Variants in PAK5 observed in about 807,000 individuals in gnomAD.
PAK5 encodes serine/threonine-protein kinase PAK 5.
PAK5 carries 16 observed loss-of-function variants against 65.9 expected under a neutral mutation model. That is an observed-to-expected ratio of 0.24 (90% confidence interval 0.16 to 0.37). PAK5 has a LOEUF of 0.37. PAK5 is among the 10% of genes least tolerant of loss of function. The pLI, the probability that PAK5 is intolerant of heterozygous loss-of-function variation, is 1.00. For missense variants in PAK5, 785 were observed against 903.9 expected (o/e 0.87, Z 1.69); for synonymous variants, 371 against 354.9 (o/e 1.05, Z -0.51).
At chr20:9,790,352 T>A (rs2049037400) in intron 1 of PAK5, among the ~76,000 whole-genome samples, 1 of 151,898 alleles carries the variant, frequency 6.6e-6, no homozygotes, top group East Asian at 1.9e-4. Flanking sequence ...CCAGAAAAGT[T>A]AAATTTTGAG....
intron 1 of PAK5, among the ~76,000 whole-genome samples, chr20:9,738,818 TTGTG>T (rs35705495): frequency 7.3e-4 from 109 of 149,586 alleles, no homozygotes; most frequent in Middle Eastern, 3.5e-3. Flanking sequence ...TATGGGCAGT[TTGTG>T]TGTGTGTGTG....
At chr20:9,593,075 G>A (rs1302946252) in intron 3 of PAK5, among the ~76,000 whole-genome samples, 2 of 152,082 alleles carry the variant, frequency 1.3e-5, no homozygotes, top group Non-Finnish European at 2.9e-5. Flanking sequence ...TGAGGTAGGA[G>A]GACTGCTTGA....
At chr20:9,571,500 G>C (rs1440299079) in intron 4 of PAK5, among the ~76,000 whole-genome samples, 1 of 152,186 alleles carries the variant, frequency 6.6e-6, no homozygotes, top group Admixed American at 6.5e-5. Context: ...CTTCTGCCGG[G>C]GTCAGTCCTT....
rs572089645 is a variant in PAK5 at position 9,710,702 on chromosome 20, T to C, written c.-12+584A>G. Among the ~76,000 whole-genome samples, 9 of 152,254 alleles carry C rather than the reference T, an allele frequency of 5.9e-5. No individual in the cohort carries two copies. The South Asian group carries it at 1.9e-3, about 32-fold the overall frequency. ...ATGGCCTTTAAAAAATATAAATTCT[T>C]TCATTCACCTGCTAATGACTTTCCA... On this transcript the variant is annotated intron_variant, in intron 2 of 9. Coordinates refer to ENST00000353224, the MANE Select transcript of PAK5 (RefSeq NM_177990.4).
intron 1 of PAK5, among the ~76,000 whole-genome samples, chr20:9,825,413 A>G (rs757018302): frequency 6.6e-6 from 1 of 152,308 alleles, no homozygotes; most frequent in East Asian, 1.9e-4. Context: ...TACAGAATGC[A>G]TATCATTTAT....
chr20:9,704,044 A>G (rs889467517), intron 2 of PAK5, among the ~76,000 whole-genome samples: 1 of 152,158 alleles, frequency 6.6e-6, no homozygotes, highest in Non-Finnish European at 1.5e-5. Context: ...GTTTAAGGGA[A>G]CTTAGAAGTT....
chr20:9,564,070 G>A (rs1040142733), intron 5 of PAK5, among the ~76,000 whole-genome samples: 4 of 152,286 alleles, frequency 2.6e-5, no homozygotes, highest in African/African-American at 9.6e-5. Flanking sequence ...GATGTGGATT[G>A]TACATGCTTT....
chr20:9,651,454 G>C (rs997907216), intron 2 of PAK5, among the ~76,000 whole-genome samples: 1 of 152,160 alleles, frequency 6.6e-6, no homozygotes, highest in Non-Finnish European at 1.5e-5. Context: ...AAATTGAGAA[G>C]GTTCCAGCAT....
chr20:9,830,011 C>T (rs973717304), intron 1 of PAK5, among the ~76,000 whole-genome samples: 1 of 152,122 alleles, frequency 6.6e-6, no homozygotes, highest in South Asian at 2.1e-4. Context: ...CCCACTGGGC[C>T]CAGGAGCCCC....
At chr20:9,721,653 CAAAAAAAAAA>C (rs144378083) in intron 1 of PAK5, among the ~76,000 whole-genome samples, 5 of 65,522 alleles carry the variant, frequency 7.6e-5, no homozygotes, top group African/African-American at 2.6e-4. Context: ...GACTCCATCT[CAAAAAAAAAA>C]AAAAAAAAAA....
intron 7 of PAK5, among the ~76,000 whole-genome samples, chr20:9,547,975 G>T (rs1296283340): frequency 6.6e-6 from 1 of 152,188 alleles, no homozygotes; most frequent in Non-Finnish European, 1.5e-5. Flanking sequence ...TTTGCACAGA[G>T]TCTAATCTCT....
chr20:9,544,586 C>CAA, intron 7 of PAK5, 92 bp from the exon 8 acceptor site: 1 of 1,225,440 alleles, frequency 8.2e-7, no homozygotes, highest in Non-Finnish European at 1.2e-6. Flanking sequence ...AAATTTAAAA[C>CAA]AAAACAGTCT....
chr20:9,737,871 G>A (rs1194586978), intron 1 of PAK5, among the ~76,000 whole-genome samples: 1 of 151,928 alleles, frequency 6.6e-6, no homozygotes, highest in East Asian at 1.9e-4. Context: ...GGCTGGGCAC[G>A]GTGGCTCATG....
chr20:9,540,407 T>G (rs1164029865), intron 9 of PAK5, among the ~76,000 whole-genome samples: 1 of 152,248 alleles, frequency 6.6e-6, no homozygotes, highest in Non-Finnish European at 1.5e-5. Context: ...GTCACCACTA[T>G]TTTAATTTAT....
At chr20:9,657,921 T>C (rs1446842463) in intron 2 of PAK5, among the ~76,000 whole-genome samples, 2 of 152,206 alleles carry the variant, frequency 1.3e-5, no homozygotes, top group Non-Finnish European at 2.9e-5. Flanking sequence ...GTAAACATCG[T>C]CTAGATAGTC....
chr20:9,690,753 T>TC (rs201074141), intron 2 of PAK5, among the ~76,000 whole-genome samples: 4,494 of 90,740 alleles, frequency 0.05, 72 homozygotes, highest in Middle Eastern at 0.085. Flanking sequence ...TTTCTTTCTT[T>TC]TTTTTTTTTT....
chr20:9,564,705 G>C (rs2122985975), intron 5 of PAK5, among the ~76,000 whole-genome samples: 1 of 152,134 alleles, frequency 6.6e-6, no homozygotes, highest in South Asian at 2.1e-4. Context: ...TAAATTATCA[G>C]ATATGAAGCC....
intron 3 of PAK5, among the ~76,000 whole-genome samples, chr20:9,618,518 T>C (rs936995493): frequency 6.6e-6 from 1 of 151,110 alleles, no homozygotes; most frequent in Admixed American, 6.6e-5. Flanking sequence ...GTAATTTTCC[T>C]GCCACAGCCT....
chr20:9,657,944 G>T (rs1450259438), intron 2 of PAK5, among the ~76,000 whole-genome samples: 1 of 152,162 alleles, frequency 6.6e-6, no homozygotes, highest in Non-Finnish European at 1.5e-5. Context: ...AGATTCTCCA[G>T]ATTTTTTTAT....
Sources: gnomAD v4.1 joint callset for allele counts (sites outside exome capture counted in the v4.1 genomes callset) on GRCh38, gnomAD v4.1.1 for gene constraint, MANE v1.5 for transcripts, NCBI Gene and HGNC (gene_info 2026-07-23, HGNC 2026-07-21) for gene names.